MCTP1: variants seen among roughly 807,000 people sequenced by gnomAD.
The protein encoded by MCTP1 is multiple C2 and transmembrane domain-containing protein 1.
Under a neutral mutation model 120.6 loss-of-function variants are expected in MCTP1, and 69 were observed. That is an observed-to-expected ratio of 0.57 (90% CI 0.47 to 0.70). The LOEUF is 0.70. Ranked by LOEUF, MCTP1 falls within the 30% of genes least tolerant of loss-of-function variation. The pLI, the probability that MCTP1 is intolerant of heterozygous loss-of-function variation, is 0.00. For synonymous variants in MCTP1, 529 were observed against 493.1 expected (o/e 1.07, Z -0.96); for missense variants, 1,203 against 1,248.8 (o/e 0.96, Z 0.55).
intron 1 of MCTP1, among the ~76,000 whole-genome samples, chr5:95,278,126 C>T (rs1760001270): frequency 6.6e-6 from 1 of 150,734 alleles, no homozygotes; most frequent in Non-Finnish European, 1.5e-5. Context: ...GAAACTGCTA[C>T]ATATTAGAGG....
chr5:94,864,858 T>C (rs961813922), intron 17 of MCTP1, among the ~76,000 whole-genome samples: 1 of 151,844 alleles, frequency 6.6e-6, no homozygotes, highest in Non-Finnish European at 1.5e-5. Context: ...AGAGAAAATG[T>C]GCACTCTTTC....
At chr5:95,021,631 T>C (rs1248211003) in intron 1 of MCTP1, among the ~76,000 whole-genome samples, 1 of 152,090 alleles carries the variant, frequency 6.6e-6, no homozygotes, top group Non-Finnish European at 1.5e-5. Context: ...TCTAGTATAA[T>C]GGACAAATAT....
At chr5:95,043,741 T>C (rs72777399) in intron 1 of MCTP1, among the ~76,000 whole-genome samples, 2 of 152,168 alleles carry the variant, frequency 1.3e-5, no homozygotes, top group Admixed American at 1.3e-4. Flanking sequence ...CCTGGGCATA[T>C]TCTCAACTCA....
At chr5:95,251,268 G>T (rs183157040) in intron 1 of MCTP1, among the ~76,000 whole-genome samples, 2 of 151,980 alleles carry the variant, frequency 1.3e-5, no homozygotes, top group East Asian at 3.9e-4. Flanking sequence ...GAAAGCAAGC[G>T]CAAAGACCCT....
At chr5:94,854,652 T>G (rs1177781933) in intron 17 of MCTP1, among the ~76,000 whole-genome samples, 2 of 151,752 alleles carry the variant, frequency 1.3e-5, no homozygotes, top group African/African-American at 4.8e-5. Context: ...AATAAATAAA[T>G]AAAAATATAT....
intron 19 of MCTP1, among the ~76,000 whole-genome samples, chr5:94,756,263 T>G (rs1266742487): frequency 6.6e-6 from 1 of 152,206 alleles, no homozygotes; most frequent in African/African-American, 2.4e-5. Context: ...GCAGCCTGGT[T>G]CCAGAATCCA....
chr5:95,097,783 A>G (rs947750318), intron 1 of MCTP1, among the ~76,000 whole-genome samples: 2 of 152,150 alleles, frequency 1.3e-5, no homozygotes, highest in African/African-American at 4.8e-5. Context: ...CTAATAATAG[A>G]TAGATCAAAG....
chr5:95,122,403 C>G (rs1261718496), intron 1 of MCTP1, among the ~76,000 whole-genome samples: 1 of 152,088 alleles, frequency 6.6e-6, no homozygotes, highest in East Asian at 1.9e-4. Flanking sequence ...AAATGGTGCT[C>G]AACATCATTG....
Position 94,765,768 on chromosome 5 carries a change from A to T in MCTP1, c.2610+13342T>A, listed in dbSNP as rs577994540. Among the ~76,000 whole-genome samples, 10 of 152,002 alleles carry T rather than the reference A, an allele frequency of 6.6e-5. 1 individual carries two copies. The East Asian group carries it at 1.9e-3, about 29-fold the overall frequency. ...ACTAAAAAATTACAAAGGAGAAACA[A>T]AATAAAACACTGGTTTTTTTGAAAA... On this transcript the variant is annotated intron_variant, in intron 19 of 22. Coordinates refer to ENST00000515393, the MANE Select transcript of MCTP1 (RefSeq NM_024717.7).
intron 1 of MCTP1, among the ~76,000 whole-genome samples, chr5:95,033,751 T>A (rs1300926657): frequency 6.6e-6 from 1 of 151,710 alleles, no homozygotes; most frequent in Non-Finnish European, 1.5e-5. Flanking sequence ...ACAAAAAGTA[T>A]CCAAGTAGGA....
At chr5:95,188,164 C>T (rs1003361251) in intron 1 of MCTP1, among the ~76,000 whole-genome samples, 7 of 152,102 alleles carry the variant, frequency 4.6e-5, no homozygotes, top group Non-Finnish European at 1.5e-5. Flanking sequence ...AAAAGATGTT[C>T]AACACCATTA....
rs1801953605 is a variant in MCTP1, at chr5:94,889,066, A to G, written c.1840-94T>C. On this transcript the variant is annotated intron_variant, in intron 11 of 22. Coordinates refer to ENST00000515393, the MANE Select transcript of MCTP1 (RefSeq NM_024717.7). ...ACATTACATTTTTTAGTTTATCTTC[A>G]GACTCTGGGGGTAAGAAGATCAACA... The G allele has an allele frequency of 6.3e-6, 5 of 793,348 alleles. 1 individual carries two copies. The highest frequency in any genetic ancestry group is 3.3e-5 in the South Asian group (2 of 61,168). 49.1% of individuals were successfully genotyped at this position (793,348 alleles called of 1,614,324 possible). A position where few individuals can be genotyped will look rare whatever the true frequency, so the allele number is the denominator to read the frequency against.
At chr5:94,879,483 C>T (rs962893740) in intron 12 of MCTP1, among the ~76,000 whole-genome samples, 1 of 152,088 alleles carries the variant, frequency 6.6e-6, no homozygotes, top group African/African-American at 2.4e-5. Context: ...AATTGATAAT[C>T]ATTGTCTAAC....
intron 2 of MCTP1, among the ~76,000 whole-genome samples, chr5:94,982,884 CAAAAAAAAAAAA>C (rs34561115): frequency 0.044 from 1,267 of 28,664 alleles, 48 homozygotes; most frequent in South Asian, 0.092. Context: ...CACACTTCAT[CAAAAAAAAAAAA>C]AAAAAAAAAA....
At chr5:94,866,546 CTTTT>C (rs5869653) in intron 17 of MCTP1, among the ~76,000 whole-genome samples, 1 of 129,918 alleles carries the variant, frequency 7.7e-6, no homozygotes, top group Non-Finnish European at 1.7e-5. Context: ...CTGATTCCCT[CTTTT>C]TTTTTTTTTT....
At chr5:94,983,673 ATCT>A (rs1561969162) in intron 2 of MCTP1, among the ~76,000 whole-genome samples, 7 of 35,412 alleles carry the variant, frequency 2.0e-4, no homozygotes, top group Non-Finnish European at 4.1e-4. Flanking sequence ...CTGTCAATCT[ATCT>A]ATCTATCTAT....
chr5:95,015,605 T>C (rs1836941329), intron 2 of MCTP1, among the ~76,000 whole-genome samples: 1 of 152,158 alleles, frequency 6.6e-6, no homozygotes, highest in Admixed American at 6.6e-5. Flanking sequence ...ATGTATTTCT[T>C]TCTTACATAG....
At chr5:95,168,790 A>T (rs1435361063) in intron 1 of MCTP1, among the ~76,000 whole-genome samples, 12 of 152,098 alleles carry the variant, frequency 7.9e-5, no homozygotes, top group African/African-American at 2.9e-4. Flanking sequence ...GCTTAAGGAG[A>T]TTTTGGGCTG....
chr5:94,704,272 C>G lies in MCTP1; in HGVS notation c.*3224G>C, dbSNP rs1754058712. ...AGAATTTAAGCAAGTATTAATTTAG[C>G]AATACCTGAGACGTTTTTCAAGAAG... On this transcript the variant is annotated 3_prime_UTR_variant, in exon 23 of 23. Transcript: ENST00000515393. 6.6e-6 allele frequency: 1 copy of G among 151,662 alleles called. No individual in the cohort carries two copies. The allele number at this position is 151,662 out of a possible 1,614,324, so 9.4% of individuals were successfully genotyped here. A position where few individuals can be genotyped will look rare whatever the true frequency, so the allele number is the denominator to read the frequency against.
Sources: gnomAD v4.1 joint callset for allele counts (sites outside exome capture counted in the v4.1 genomes callset) on GRCh38, gnomAD v4.1.1 for gene constraint, MANE v1.5 for transcripts, NCBI Gene and HGNC (gene_info 2026-07-23, HGNC 2026-07-21) for gene names.